The following TMPRSS11F variants were observed in gnomAD, a reference collection of about 807,000 sequenced individuals.
TMPRSS11F encodes transmembrane serine protease 11F.
Under a neutral mutation model 60.2 loss-of-function variants are expected in TMPRSS11F, and 47 were observed. The ratio of observed to expected loss-of-function variants is 0.78; its 90% CI spans 0.62 to 1.00. The LOEUF is 1.00. Ranked by LOEUF, TMPRSS11F falls within the 50% of genes least tolerant of loss-of-function variation. TMPRSS11F has a pLI of 0.00. For missense variants in TMPRSS11F, 519 were observed against 522.9 expected, an observed-to-expected ratio of 0.99 and a Z score of 0.07; for synonymous variants, 166 against 167.3, an observed-to-expected ratio of 0.99 and a Z score of 0.06.
intron 2 of TMPRSS11F, among the ~76,000 whole-genome samples, chr4:68,091,932 G>T (rs7658138): frequency 0.39 from 58,500 of 151,376 alleles, 12,942 homozygotes; most frequent in Non-Finnish European, 0.52. Flanking sequence ...GATTACAGGG[G>T]GACGCCACTA....
intron 8 of TMPRSS11F, chr4:68,063,314 T>A: frequency 2.0e-6 from 1 of 506,956 alleles, no homozygotes; most frequent in African/African-American, 2.0e-5. Flanking sequence ...GAAACTTAAG[T>A]ATTTCTTATT....
intron 3 of TMPRSS11F, among the ~76,000 whole-genome samples, chr4:68,082,466 C>T (rs1231710511): frequency 7.9e-5 from 12 of 152,202 alleles, no homozygotes; most frequent in Admixed American, 7.9e-4. Flanking sequence ...AGCAGTGCTG[C>T]CTTTCTCATG....
At chr4:68,091,029 C>T (rs933038417) in intron 2 of TMPRSS11F, among the ~76,000 whole-genome samples, 2 of 152,144 alleles carry the variant, frequency 1.3e-5, no homozygotes, top group African/African-American at 4.8e-5. Flanking sequence ...ATACACTGAA[C>T]AAGCTGTCAA....
At chr4:68,121,377 C>T (rs891017775) in intron 1 of TMPRSS11F, among the ~76,000 whole-genome samples, 1 of 152,166 alleles carries the variant, frequency 6.6e-6, no homozygotes, top group Admixed American at 6.5e-5. Flanking sequence ...GTCCAGTACA[C>T]TCTCTTCTGA....
chr4:68,078,892 C>T (rs551429657), intron 3 of TMPRSS11F, among the ~76,000 whole-genome samples: 22 of 152,018 alleles, frequency 1.4e-4, no homozygotes, highest in African/African-American at 4.3e-4. Flanking sequence ...TCTAGCACAT[C>T]TGATTAATGT....
chr4:68,119,532 A>G (rs1294526436), intron 1 of TMPRSS11F, among the ~76,000 whole-genome samples: 1 of 152,158 alleles, frequency 6.6e-6, no homozygotes, highest in Non-Finnish European at 1.5e-5. Context: ...GCTCCTTTCC[A>G]TTCCAAAAAT....
At chr4:68,077,673 G>A (rs944510687) in intron 3 of TMPRSS11F, 2 of 152,076 alleles carry the variant, frequency 1.3e-5, no homozygotes, top group Non-Finnish European at 2.9e-5. Context: ...ACAAAGGATT[G>A]GGACATTAGC....
At chr4:68,101,687 A>G (rs1724193061) in intron 1 of TMPRSS11F, among the ~76,000 whole-genome samples, 1 of 152,200 alleles carries the variant, frequency 6.6e-6, no homozygotes, top group Non-Finnish European at 1.5e-5. Flanking sequence ...ACCTTTCAAC[A>G]GCATTTTTTT....
chr4:68,091,797 A>G (rs1266920221), intron 2 of TMPRSS11F, among the ~76,000 whole-genome samples: 1 of 128,698 alleles, frequency 7.8e-6, no homozygotes, highest in East Asian at 2.5e-4. Context: ...CTATCTATCT[A>G]TCTTTTTGAG....
chr4:68,063,272 G>A, intron 8 of TMPRSS11F: 2 of 566,642 alleles, frequency 3.5e-6, no homozygotes, highest in Non-Finnish European at 7.0e-6. Flanking sequence ...TCGCCATGAT[G>A]AGCTCACCAT....
At chr4:68,116,791 T>A (rs1406412603) in intron 1 of TMPRSS11F, among the ~76,000 whole-genome samples, 1 of 152,144 alleles carries the variant, frequency 6.6e-6, no homozygotes, top group Admixed American at 6.5e-5. Context: ...AACATCCACA[T>A]GCAGAAGAAT....
In TMPRSS11F at chr4:68,053,667, G is replaced by GT; in HGVS notation, c.*241dup. 1 of 375,008 alleles carries GT rather than the reference G, an allele frequency of 2.7e-6. No individual in the cohort carries two copies. The highest frequency in any genetic ancestry group is 4.0e-5 in the East Asian group (1 of 24,944). 23.2% of individuals were successfully genotyped at this position (375,008 alleles called of 1,614,324 possible). On this transcript the variant is annotated 3_prime_UTR_variant, in exon 10 of 10. Coordinates refer to ENST00000356291, the MANE Select transcript of TMPRSS11F (RefSeq NM_207407.2). ...ATCTTATTAGGAAGTATCACAAGCAGTTTCCCTTGTGAGTAAGGAATAGGT... is the reference window on the plus strand; with the variant it reads ...ATCTTATTAGGAAGTATCACAAGCAGTTTTCCCTTGTGAGTAAGGAATAGGT...
intron 7 of TMPRSS11F, among the ~76,000 whole-genome samples, chr4:68,067,342 C>A (rs1577913401): frequency 6.6e-6 from 1 of 152,316 alleles, no homozygotes; most frequent in African/African-American, 2.4e-5. Context: ...CACTAGTAAT[C>A]TCTACTTCAT....
At chr4:68,088,219 C>T (rs1395678529) in intron 3 of TMPRSS11F, among the ~76,000 whole-genome samples, 2 of 150,808 alleles carry the variant, frequency 1.3e-5, no homozygotes, top group Non-Finnish European at 3.0e-5. Context: ...AAATGGAAAA[C>T]AAAAAAAGGC....
At chr4:68,072,014 C>A (rs751712421) in intron 5 of TMPRSS11F, among the ~76,000 whole-genome samples, 3 of 151,540 alleles carry the variant, frequency 2.0e-5, no homozygotes, top group Admixed American at 6.6e-5. Context: ...GCTTCTTTAC[C>A]TGTAAAATGG....
At chr4:68,104,909 T>C (rs891650898) in intron 1 of TMPRSS11F, among the ~76,000 whole-genome samples, 2 of 151,946 alleles carry the variant, frequency 1.3e-5, no homozygotes, top group African/African-American at 2.4e-5. Flanking sequence ...ACTCAGTATA[T>C]TTTATTGAGC....
chr4:68,057,092 C>T (rs1234259761), intron 9 of TMPRSS11F, among the ~76,000 whole-genome samples: 2 of 151,896 alleles, frequency 1.3e-5, no homozygotes, highest in East Asian at 3.9e-4. Flanking sequence ...CGAGACCAGC[C>T]TGGCCAACAT....
intron 1 of TMPRSS11F, among the ~76,000 whole-genome samples, chr4:68,107,782 G>A (rs1724332695): frequency 6.6e-6 from 1 of 152,058 alleles, no homozygotes; most frequent in Non-Finnish European, 1.5e-5. Flanking sequence ...ACTAAAAATG[G>A]AAAAATTAGC....
intron 3 of TMPRSS11F, among the ~76,000 whole-genome samples, chr4:68,090,320 CT>C (rs1001618437): frequency 6.6e-6 from 1 of 152,038 alleles, no homozygotes; most frequent in African/African-American, 2.4e-5. Context: ...CTCTAATCTA[CT>C]ATATACATTT....
Sources: allele counts gnomAD v4.1 joint callset (sites outside exome capture counted in the v4.1 genomes callset), GRCh38; gene constraint gnomAD v4.1.1; transcripts MANE v1.5; gene names NCBI Gene and HGNC (gene_info 2026-07-23, HGNC 2026-07-21).